The following HMGCLL1 variants were observed in gnomAD, a reference collection of about 807,000 sequenced individuals.
HMGCLL1 encodes the protein 3-hydroxymethyl-3-methylglutaryl-CoA lyase, cytoplasmic.
A neutral mutation model predicts 39.1 loss-of-function variants in HMGCLL1; 36 were observed. The ratio of observed to expected loss-of-function variants is 0.92; its 90% CI spans 0.71 to 1.22. HMGCLL1 has a LOEUF of 1.22. Among genes scored for constraint, HMGCLL1 ranks in the 50% most tolerant of loss-of-function variants. The pLI, the probability that HMGCLL1 is intolerant of heterozygous loss-of-function variation, is 0.00. For missense variants in HMGCLL1, 451 were observed against 416.5 expected (o/e 1.08, Z -0.72); for synonymous variants, 149 against 144.0 (o/e 1.03, Z -0.25).
chr6:55,631,773 T>C, the HMGCLL1 span, among the ~76,000 whole-genome samples: 2 of 152,104 alleles, frequency 1.3e-5, no homozygotes, highest in Non-Finnish European at 2.9e-5. Context: ...AAATACAACA[T>C]GACAAATTAA....
At position 55,502,722 on chromosome 6, in the gene HMGCLL1, T is replaced by A. The variant is rs1031352103; in HGVS notation, c.543-3423A>T. 2.3e-3 allele frequency among the ~76,000 whole-genome samples: 344 copies of A among 151,634 alleles called. 1 individual carries two copies. The highest frequency in any genetic ancestry group is 3.8e-3 in the Non-Finnish European group (260 of 67,730). On this transcript the variant is annotated intron_variant, in intron 5 of 8. Coordinates refer to ENST00000274901, the MANE Select transcript of HMGCLL1 (RefSeq NM_001042406.2). The stretch of plus-strand genomic sequence containing the variant: ...TTTCTGTAAAGATCTGGTTTTTTTT[T>A]TTTTGCTTGCATTGTGAATTTTTTA...
At chr6:55,636,664 G>A in the HMGCLL1 span, among the ~76,000 whole-genome samples, 11 of 152,118 alleles carry the variant, frequency 7.2e-5, no homozygotes, top group African/African-American at 2.7e-4. Flanking sequence ...GCAAACAAAG[G>A]AGGCATCTTG....
At chr6:55,477,179 ATATT>A (rs1286055126) in intron 7 of HMGCLL1, among the ~76,000 whole-genome samples, 4 of 35,594 alleles carry the variant, frequency 1.1e-4, no homozygotes, top group African/African-American at 6.7e-4. Flanking sequence ...AATATATATT[ATATT>A]TATATATTAT....
At chr6:55,574,069 T>G (rs2127478167) in intron 1 of HMGCLL1, among the ~76,000 whole-genome samples, 1 of 152,202 alleles carries the variant, frequency 6.6e-6, no homozygotes, top group South Asian at 2.1e-4. Context: ...TAGATAAAAC[T>G]TATGTTTATA....
intron 7 of HMGCLL1, among the ~76,000 whole-genome samples, chr6:55,482,212 G>T (rs749320833): frequency 1.5e-4 from 23 of 151,990 alleles, no homozygotes; most frequent in Non-Finnish European, 2.9e-4. Flanking sequence ...CAATTATTTT[G>T]AATTAACATG....
In HMGCLL1 at chr6:55,499,240, G is replaced by C; in HGVS notation, c.602C>G (p.Thr201Arg). The change falls in exon 6 of 9, where the codon ACA becomes AGA. Residue 201 changes from threonine (T) to arginine (R), a missense_variant. By Grantham distance (71) the Thr-to-Arg change is moderately conservative (BLOSUM62 -1). Coordinates refer to ENST00000274901, the MANE Select transcript of HMGCLL1 (RefSeq NM_001042406.2). ...YEGSITPQKV[T>R]EVSKRLYGMG... ...AAAGCTGAAGATGTAGCTTACTTCTGTCACTTTTTGCGGTGTAATACTTCC... is the reference window on the plus strand; with the variant it reads ...AAAGCTGAAGATGTAGCTTACTTCTCTCACTTTTTGCGGTGTAATACTTCC... The C allele has an allele frequency of 6.2e-7, 1 of 1,608,028 alleles. No individual in the cohort carries two copies. Among genetic ancestry groups the C allele is most frequent in the Non-Finnish European group, 8.5e-7 (1 of 1,177,086 alleles).
At chr6:55,511,422 G>T (rs1444129232) in intron 5 of HMGCLL1, among the ~76,000 whole-genome samples, 1 of 151,910 alleles carries the variant, frequency 6.6e-6, no homozygotes, top group Non-Finnish European at 1.5e-5. Context: ...TGAGTGTGTG[G>T]GGGGAATTTA....
the HMGCLL1 span, among the ~76,000 whole-genome samples, chr6:55,625,543 G>A: frequency 1.4e-4 from 21 of 152,218 alleles, no homozygotes; most frequent in South Asian, 3.7e-3. Context: ...GGCACCACCC[G>A]AAAATGGACA....
intron 5 of HMGCLL1, chr6:55,512,910 A>G (rs1767536740): frequency 1.3e-5 from 2 of 152,106 alleles, no homozygotes; most frequent in African/African-American, 4.8e-5. Flanking sequence ...ATTAATAGAA[A>G]AAGTAGCTAA....
chr6:55,572,516 A>T (rs1231537824), intron 1 of HMGCLL1, among the ~76,000 whole-genome samples: 3 of 152,092 alleles, frequency 2.0e-5, no homozygotes, highest in African/African-American at 7.2e-5. Flanking sequence ...CATTACCTTT[A>T]TAACTTGTTC....
chr6:55,608,168 C>T, the HMGCLL1 span, among the ~76,000 whole-genome samples: 20 of 152,276 alleles, frequency 1.3e-4, no homozygotes, highest in South Asian at 4.2e-3. Flanking sequence ...CTTCCTTAGC[C>T]AACTAGAACC....
At chr6:55,566,744 A>G (rs1245066367) in intron 1 of HMGCLL1, 1 of 389,028 alleles carries the variant, frequency 2.6e-6, no homozygotes, top group African/African-American at 2.1e-5. Flanking sequence ...GATCTTTACA[A>G]CAGTAGCCAA....
At chr6:55,555,702 A>C (rs1212366257) in intron 1 of HMGCLL1, among the ~76,000 whole-genome samples, 2 of 152,192 alleles carry the variant, frequency 1.3e-5, no homozygotes, top group Non-Finnish European at 2.9e-5. Flanking sequence ...AACTAACAAG[A>C]ATTCACTATA....
the HMGCLL1 span, among the ~76,000 whole-genome samples, chr6:55,606,434 G>C: frequency 6.6e-6 from 1 of 152,116 alleles, no homozygotes; most frequent in African/African-American, 2.4e-5. Context: ...GTTAGTGGCA[G>C]AGATAAGATT....
chr6:55,565,656 G>C (rs1771175943), intron 1 of HMGCLL1, among the ~76,000 whole-genome samples: 1 of 152,040 alleles, frequency 6.6e-6, no homozygotes, highest in Admixed American at 6.6e-5. Flanking sequence ...AAGGGATCCA[G>C]CTCTCTAGAG....
chr6:55,559,022 C>G (rs1770809174), intron 1 of HMGCLL1, among the ~76,000 whole-genome samples: 1 of 152,210 alleles, frequency 6.6e-6, no homozygotes. Flanking sequence ...GGATCCAACC[C>G]TAAGACACAT....
At chr6:55,531,060 C>A (rs1220975208) in intron 3 of HMGCLL1, among the ~76,000 whole-genome samples, 1 of 152,126 alleles carries the variant, frequency 6.6e-6, no homozygotes, top group African/African-American at 2.4e-5. Flanking sequence ...CGCTTAATAT[C>A]TTAATGCTTT....
the HMGCLL1 span, among the ~76,000 whole-genome samples, chr6:55,663,074 T>C: frequency 6.6e-6 from 1 of 151,582 alleles, no homozygotes; most frequent in Non-Finnish European, 1.5e-5. Context: ...CTCTTCCCTG[T>C]TTTCTTTTTT....
At chr6:55,546,536 G>A (rs1349219082) in intron 1 of HMGCLL1, among the ~76,000 whole-genome samples, 1 of 152,074 alleles carries the variant, frequency 6.6e-6, no homozygotes, top group Non-Finnish European at 1.5e-5. Flanking sequence ...TAGTTATTGG[G>A]TATAGGAGGT....
Sources: allele counts gnomAD v4.1 joint callset (sites outside exome capture counted in the v4.1 genomes callset), GRCh38; gene constraint gnomAD v4.1.1; transcripts MANE v1.5; gene names NCBI Gene and HGNC (gene_info 2026-07-23, HGNC 2026-07-21).